USP2: variants seen among roughly 807,000 people sequenced by gnomAD.
USP2 encodes ubiquitin carboxyl-terminal hydrolase 2.
A neutral mutation model predicts 72.0 loss-of-function variants in USP2; 33 were observed. The observed-to-expected ratio is 0.46, with a 90% CI of 0.35 to 0.61. USP2 has a LOEUF of 0.61. Ranked by LOEUF, USP2 falls within the 20% of genes least tolerant of loss-of-function variation. The pLI, the probability that USP2 is intolerant of heterozygous loss-of-function variation, is 0.01. For missense variants in USP2, 691 were observed against 797.8 expected (o/e 0.87, Z 1.61); for synonymous variants, 296 against 312.5 (o/e 0.95, Z 0.56).
chr11:119,367,942 A>G (rs1395049412), intron 2 of USP2, among the ~76,000 whole-genome samples: 2 of 152,218 alleles, frequency 1.3e-5, no homozygotes, highest in Admixed American at 6.5e-5. Context: ...CCAGCACCAC[A>G]TTAACTCATG....
intron 1 of USP2, among the ~76,000 whole-genome samples, chr11:119,377,809 GCCAGGGGAGGGACTTGCTCCCCAGGAATT>G (rs1281341722): frequency 1.3e-5 from 2 of 152,160 alleles, no homozygotes; most frequent in Non-Finnish European, 2.9e-5. Context: ...AACCTGCCCA[GCCAGGGGAGGGACTTGCTCCCCAGGAATT>G]CCAGGCGCTC....
intron 2 of USP2, among the ~76,000 whole-genome samples, chr11:119,366,876 C>T (rs1432255755): frequency 6.6e-6 from 1 of 152,202 alleles, no homozygotes; most frequent in African/African-American, 2.4e-5. Context: ...AGCTTGCTCT[C>T]CCTCTTCCCT....
At chr11:119,364,259 C>T in intron 2 of USP2, 1 of 950,972 alleles carries the variant, frequency 1.1e-6, no homozygotes, top group Non-Finnish European at 1.3e-6. Flanking sequence ...TGGGGCGGGG[C>T]CAGGCCCTAA....
chr11:119,357,679 G>T, intron 10 of USP2, 78 bp downstream of exon 10: 1 of 1,613,402 alleles, frequency 6.2e-7, no homozygotes, highest in Non-Finnish European at 8.5e-7. Flanking sequence ...TCTTCCGACT[G>T]TTCCCCTCAC....
chr11:119,372,887 G>A lies in USP2; in HGVS notation c.594C>T (p.Tyr198=), dbSNP rs1399524897. ...TGCCCTTGCGACCATAGTTCTCCAG[G>A]TAGTCGACCAGGTATTCAGGGCAGC... ...TASCPEYLVD[Y]LENYGRKGSA... Residue 198 remains tyrosine, a synonymous_variant, in exon 2 of 13, where the codon TAC becomes TAT. Coordinates refer to ENST00000260187, the MANE Select transcript of USP2 (RefSeq NM_004205.5). The A allele has an allele frequency of 6.2e-7, 1 of 1,609,942 alleles. No individual in the cohort carries two copies. Among genetic ancestry groups the A allele is most frequent in the South Asian group, 1.1e-5 (1 of 90,790 alleles).
rs1591315487 is a variant in USP2, at chr11:119,358,167, G to C, written c.1323C>G (p.Leu441=). The C allele has an allele frequency of 1.2e-6, 2 of 1,614,152 alleles. No homozygotes were observed. The highest frequency in any genetic ancestry group is 4.5e-5 in the East Asian group (2 of 44,884). ...CSTVFDPFWD[L]SLPIAKRGYP... ...TGCATACCTTAGCAATGGGCAGTGA[G>C]AGGTCCCAGAAGGGGTCGAAGACCG... Residue 441 remains leucine, a synonymous_variant, in exon 8 of 13, where the codon CTC becomes CTG. Transcript: ENST00000260187.
intron 2 of USP2, chr11:119,364,242 T>A (rs1950817935): frequency 1.9e-6 from 2 of 1,039,294 alleles, no homozygotes. Context: ...CCCCGCGACG[T>A]CAGCGCTGGG....
chr11:119,381,455 C>T lies in USP2; in HGVS notation c.-42+18G>A, dbSNP rs1235092820. On this transcript the variant is annotated intron_variant, in intron 1 of 12. Transcript: ENST00000260187. ...TCCCCGAATCCCCCCTCCCGGATCCCCGACAGGTGGCACGTACCTGCCTCT... is the reference window on the plus strand; with the variant it reads ...TCCCCGAATCCCCCCTCCCGGATCCTCGACAGGTGGCACGTACCTGCCTCT... 2.6e-6 allele frequency: 4 copies of T among 1,535,940 alleles called. No homozygotes were observed. The highest frequency in any genetic ancestry group is 3.5e-6 in the Non-Finnish European group (4 of 1,146,806).
intron 2 of USP2, chr11:119,363,747 A>C: frequency 3.4e-6 from 3 of 870,232 alleles, no homozygotes; most frequent in Non-Finnish European, 4.8e-6. Flanking sequence ...GGGGCTGGGA[A>C]GAATCCGTCC....
In USP2 at chr11:119,356,667, C is replaced by G. The variant is rs1950657109; in HGVS notation, c.*168G>C. The G allele has an allele frequency of 5.8e-6, 4 of 686,354 alleles. No individual in the cohort carries two copies. The highest frequency in any genetic ancestry group is 9.5e-6 in the Non-Finnish European group (4 of 421,592). The allele number at this position is 686,354 out of a possible 1,614,324, so 42.5% of individuals were successfully genotyped here. A position where few individuals can be genotyped will look rare whatever the true frequency, so the allele number is the denominator to read the frequency against. On this transcript the variant is annotated 3_prime_UTR_variant, in exon 13 of 13. Transcript: ENST00000260187. ...GCCACAGCTCAGGAAAGCCCGGCTC[C>G]TTGCTCCAGACCCTGATCAGGCTGC...
intron 2 of USP2, chr11:119,363,869 G>A: frequency 8.5e-7 from 1 of 1,178,782 alleles, no homozygotes. Context: ...TTGAGCAGGA[G>A]CCCCACGAAG....
At chr11:119,370,708 G>GA (rs1421812528) in intron 2 of USP2, among the ~76,000 whole-genome samples, 1 of 152,240 alleles carries the variant, frequency 6.6e-6, no homozygotes, top group Admixed American at 6.5e-5. Flanking sequence ...CATGAGCTCA[G>GA]AATGAAACAC....
In USP2 at chr11:119,372,713, G is replaced by T. The variant is rs1194387295; in HGVS notation, c.768C>A (p.Asp256Glu). Reference protein sequence around the residue: ...GPSRSSSPGRDGMNSKSAQGL... With the variant: ...GPSRSSSPGREGMNSKSAQGL... ...TCCCCAAGGGTAAACTCACCATGCC[G>T]TCTCTTCCCGGGGAGCTGGAGCGGC... The change falls in exon 2 of 13, where the codon GAC becomes GAA. Residue 256 changes from aspartate to glutamate, a missense_variant. Asp to Glu is a conservative substitution (Grantham distance 45, BLOSUM62 2). Coordinates refer to ENST00000260187, the MANE Select transcript of USP2 (RefSeq NM_004205.5). 3.9e-6 allele frequency: 6 copies of T among 1,519,054 alleles called. No individual in the cohort carries two copies. Among genetic ancestry groups the T allele is most frequent in the Non-Finnish European group, 5.3e-6 (6 of 1,137,386 alleles). 94.1% of individuals were successfully genotyped at this position (1,519,054 alleles called of 1,614,324 possible).
In USP2 at chr11:119,357,887, A is replaced by G. The variant is rs746737928; in HGVS notation, c.1423-52T>C. 23 of 1,613,230 alleles carry G rather than the reference A, an allele frequency of 1.4e-5. No homozygotes were observed. The African/African-American group carries it at 2.0e-4, about 14-fold the overall frequency. On this transcript the variant is annotated intron_variant, in intron 9 of 12. Coordinates refer to ENST00000260187, the MANE Select transcript of USP2 (RefSeq NM_004205.5). Reference sequence around the variant, plus strand: ...CTTGTGGGGAAGTCAGTGGGCCCCAATCCAGTCACTCCTCAACTGGATCTG... The same window carrying G: ...CTTGTGGGGAAGTCAGTGGGCCCCAGTCCAGTCACTCCTCAACTGGATCTG...
chr11:119,373,321 C>A lies in USP2; in HGVS notation c.160G>T (p.Val54Phe). The A allele has an allele frequency of 6.2e-7, 1 of 1,613,394 alleles. No individual in the cohort carries two copies. The highest frequency in any genetic ancestry group is 2.2e-5 in the East Asian group (1 of 44,884). The stretch of plus-strand genomic sequence containing the variant: ...CGGGTGAGGAAGCTGCTGGTGGGGA[C>A]CGGCTTGAAACCAAGTTTCTCCTTC... ...LEKEKLGFKP[V>F]PTSSFLTRPR... is the part of the protein sequence containing the mutation. Residue 54 changes from valine (V) to phenylalanine (F), a missense_variant, in exon 2 of 13, where the codon GTC becomes TTC. By Grantham distance (50) the Val-to-Phe change is conservative. Coordinates refer to ENST00000260187, the MANE Select transcript of USP2 (RefSeq NM_004205.5).
chr11:119,373,348 C>T lies in USP2; in HGVS notation c.133G>A (p.Glu45Lys). ...YGANLAASLL[E>K]KEKLGFKPVP... ...GGCTTGAAACCAAGTTTCTCCTTCT[C>T]CAGTAAGGAGGCAGCCAGATTGGCC... Residue 45 changes from glutamate (E) to lysine (K), a missense_variant, in exon 2 of 13, where the codon GAG (glutamate) becomes AAG (lysine). Transcript: ENST00000260187. 2 of 1,612,880 alleles carry T rather than the reference C, an allele frequency of 1.2e-6. No homozygotes were observed. The highest frequency in any genetic ancestry group is 1.7e-6 in the Non-Finnish European group (2 of 1,179,952).
chr11:119,378,089 G>GC (rs1460756974), intron 1 of USP2, among the ~76,000 whole-genome samples: 2 of 152,094 alleles, frequency 1.3e-5, no homozygotes, highest in Non-Finnish European at 2.9e-5. Flanking sequence ...GTGGTTGGGA[G>GC]CCCCCACAGT....
At chr11:119,364,901 G>A (rs181464438) in intron 2 of USP2, among the ~76,000 whole-genome samples, 51 of 152,214 alleles carry the variant, frequency 3.4e-4, no homozygotes, top group Admixed American at 2.7e-3. Context: ...ACCCAGCTCC[G>A]GCTCTCCCAT....
At chr11:119,377,409 C>A (rs2135412379) in intron 1 of USP2, among the ~76,000 whole-genome samples, 1 of 152,326 alleles carries the variant, frequency 6.6e-6, no homozygotes, top group African/African-American at 2.4e-5. Flanking sequence ...AGGTGTCCGT[C>A]ATCCAGTAAC....
Sources: allele counts gnomAD v4.1 joint callset (sites outside exome capture counted in the v4.1 genomes callset), GRCh38; gene constraint gnomAD v4.1.1; transcripts MANE v1.5; gene names NCBI Gene and HGNC (gene_info 2026-07-23, HGNC 2026-07-21).